KCNT2: variants seen among roughly 807,000 people sequenced by gnomAD.
KCNT2 encodes potassium sodium-activated channel subfamily T member 2.
In KCNT2, 67 loss-of-function variants were observed where a neutral mutation model predicts 153.8. The ratio of observed to expected loss-of-function variants is 0.44; its 90% CI spans 0.36 to 0.53. The LOEUF (loss-of-function observed/expected upper bound fraction) is 0.53, where lower values mean the gene tolerates loss of function less well. Ranked by LOEUF, KCNT2 falls within the 20% of genes least tolerant of loss-of-function variation. KCNT2 has a pLI of 0.00. For synonymous variants in KCNT2, 500 were observed against 458.8 expected, an observed-to-expected ratio of 1.09 and a Z score of -1.15; for missense variants, 975 against 1,354.8, an observed-to-expected ratio of 0.72 and a Z score of 4.40.
intron 25 of KCNT2, among the ~76,000 whole-genome samples, chr1:196,264,669 G>A (rs1379071337): frequency 6.6e-6 from 1 of 151,864 alleles, no homozygotes; most frequent in African/African-American, 2.4e-5. Flanking sequence ...GTCTTGCTCT[G>A]TTGCCTAGGC....
chr1:196,544,324 A>G (rs984178295), intron 1 of KCNT2, among the ~76,000 whole-genome samples: 27 of 152,148 alleles, frequency 1.8e-4, no homozygotes, highest in Admixed American at 3.9e-4. Flanking sequence ...ATAGATGTAT[A>G]GAATATGTTT....
chr1:196,383,696 C>T (rs924990954), intron 13 of KCNT2, among the ~76,000 whole-genome samples: 2 of 152,064 alleles, frequency 1.3e-5, no homozygotes, highest in Non-Finnish European at 2.9e-5. Flanking sequence ...TCAGGAAATT[C>T]GTGTCTTTAA....
At chr1:196,468,439 T>C (rs1230399025) in intron 6 of KCNT2, among the ~76,000 whole-genome samples, 1 of 152,108 alleles carries the variant, frequency 6.6e-6, no homozygotes, top group Non-Finnish European at 1.5e-5. Flanking sequence ...AAATATAGTT[T>C]TGCAAAAGGA....
chr1:196,405,163 C>A (rs1005963108), intron 12 of KCNT2, among the ~76,000 whole-genome samples: 1 of 150,362 alleles, frequency 6.7e-6, no homozygotes, highest in Admixed American at 6.6e-5. Context: ...GATTTCACTT[C>A]ATTTTTTTTT....
chr1:196,449,880 T>C (rs1257291204), intron 8 of KCNT2, among the ~76,000 whole-genome samples: 1 of 151,750 alleles, frequency 6.6e-6, no homozygotes, highest in Non-Finnish European at 1.5e-5. Flanking sequence ...AAAAGATGTA[T>C]GAATTCAGCA....
chr1:196,280,883 A>G lies in KCNT2; in HGVS notation c.2887T>C (p.Ser963Pro). Reference protein sequence around the residue: ...DVPIGIYRTESQKLTTSESQI... With the variant: ...DVPIGIYRTEPQKLTTSESQI... ...ACCTCAGATGTAGTAAGTTTCTGAGACTCAGTCCTGTAGATTCCAATGGGA... is the reference window on the plus strand; with the variant it reads ...ACCTCAGATGTAGTAAGTTTCTGAGGCTCAGTCCTGTAGATTCCAATGGGA... Residue 963 changes from serine to proline, a missense_variant, in exon 25 of 28, where the codon TCT becomes CCT. This residue lies in a region of KCNT2 where 241 missense variants were observed against 271.1 expected (regional missense o/e 0.89). Coordinates refer to ENST00000294725, the MANE Select transcript of KCNT2 (RefSeq NM_198503.5). The G allele has an allele frequency of 6.2e-7, 1 of 1,612,518 alleles. No individual in the cohort carries two copies. Among genetic ancestry groups the G allele is most frequent in the Non-Finnish European group, 8.5e-7 (1 of 1,178,708 alleles).
chr1:196,282,546 G>A (rs1659214968), intron 23 of KCNT2, among the ~76,000 whole-genome samples, 190 bp from the exon 24 acceptor site: 1 of 152,052 alleles, frequency 6.6e-6, no homozygotes, highest in Non-Finnish European at 1.5e-5. Context: ...GTACAGTTAA[G>A]CTGTTCATAA....
chr1:196,307,976 A>G (rs1661796850), intron 21 of KCNT2, among the ~76,000 whole-genome samples: 1 of 152,072 alleles, frequency 6.6e-6, no homozygotes, highest in Non-Finnish European at 1.5e-5. Flanking sequence ...TTCACCATAT[A>G]TGGTTGTCAC....
chr1:196,437,959 A>T (rs952838188), intron 8 of KCNT2, among the ~76,000 whole-genome samples: 2 of 151,534 alleles, frequency 1.3e-5, no homozygotes, highest in African/African-American at 4.8e-5. Flanking sequence ...CTTTACTATT[A>T]CTAATAATAT....
chr1:196,348,381 A>G (rs562287673), intron 14 of KCNT2, among the ~76,000 whole-genome samples: 3 of 152,306 alleles, frequency 2.0e-5, no homozygotes, highest in South Asian at 2.1e-4. Flanking sequence ...CATTTAATAA[A>G]GATTTAAGAT....
chr1:196,410,943 T>C (rs968502056), intron 12 of KCNT2, among the ~76,000 whole-genome samples: 1 of 150,990 alleles, frequency 6.6e-6, no homozygotes, highest in African/African-American at 2.4e-5. Context: ...TCTCCTTCTC[T>C]CCTTTCCTCC....
rs1486546112 is a variant in KCNT2 at position 196,231,724 on chromosome 1, A to G, written c.3297-3389T>C. ...CTTAGAAATGATTTGACTTTAGAAA[A>G]CTAGTAAATCATGGTAGGTAAAGTC... On this transcript the variant is annotated intron_variant, in intron 27 of 27. Transcript: ENST00000294725. Among the ~76,000 whole-genome samples, 5 of 151,820 alleles carry G rather than the reference A, an allele frequency of 3.3e-5. No homozygotes were observed. The East Asian group carries it at 7.7e-4, about 23-fold the overall frequency.
chr1:196,340,515 T>G lies in KCNT2; in HGVS notation c.1609A>C (p.Asn537His). 6.2e-7 allele frequency: 1 copy of G among 1,611,666 alleles called. No individual in the cohort carries two copies. The highest frequency in any genetic ancestry group is 8.5e-7 in the Non-Finnish European group (1 of 1,178,702). ...RREDNKNILL[N>H]PGPRYIMNST... is the part of the protein sequence containing the mutation. ...TTCATAATGTATCGAGGACCTGGAT[T>G]CAGCAAAATGTTTTTATTATCCTCC... The change falls in exon 16 of 28, where the codon AAT becomes CAT. Residue 537 changes from asparagine to histidine, a missense_variant. Physicochemically the swap from Asn to His is moderately conservative, Grantham distance 68. Around this residue, in one of 6 missense-constraint regions of KCNT2, gnomAD observed 325 missense variants for 388.1 expected, o/e 0.84. Coordinates refer to ENST00000294725, the MANE Select transcript of KCNT2 (RefSeq NM_198503.5).
chr1:196,402,896 T>A (rs908475776), intron 12 of KCNT2, among the ~76,000 whole-genome samples: 1 of 151,600 alleles, frequency 6.6e-6, no homozygotes, highest in African/African-American at 2.4e-5. Flanking sequence ...ATAGCTAAAA[T>A]CTAAAGTGCT....
At chr1:196,457,748 T>C (rs1463645501) in intron 8 of KCNT2, among the ~76,000 whole-genome samples, 1 of 151,984 alleles carries the variant, frequency 6.6e-6, no homozygotes, top group Admixed American at 6.6e-5. Context: ...TCAAGGCTTC[T>C]TACCTATCTT....
intron 1 of KCNT2, among the ~76,000 whole-genome samples, chr1:196,536,033 C>A (rs1470063531): frequency 6.6e-6 from 1 of 152,234 alleles, no homozygotes; most frequent in African/African-American, 2.4e-5. Context: ...CACATGCCCA[C>A]AAGGTGGAAC....
At chr1:196,269,595 TC>T (rs1657875938) in intron 25 of KCNT2, among the ~76,000 whole-genome samples, 1 of 152,126 alleles carries the variant, frequency 6.6e-6, no homozygotes, top group Admixed American at 6.6e-5. Flanking sequence ...AAGGAAGAAG[TC>T]TTTTTCTTGG....
At chr1:196,422,688 A>G (rs1182937720) in intron 12 of KCNT2, among the ~76,000 whole-genome samples, 1 of 151,838 alleles carries the variant, frequency 6.6e-6, no homozygotes, top group Non-Finnish European at 1.5e-5. Context: ...AAACTCTCCA[A>G]TTGGTTCTAA....
chr1:196,434,584 G>A (rs1674452979), intron 8 of KCNT2, among the ~76,000 whole-genome samples: 1 of 151,862 alleles, frequency 6.6e-6, no homozygotes, highest in African/African-American at 2.4e-5. Flanking sequence ...ATAACCTGTA[G>A]TTTGATAGAT....
Sources: allele counts gnomAD v4.1 joint callset (sites outside exome capture counted in the v4.1 genomes callset), GRCh38; gene constraint gnomAD v4.1.1; regional missense constraint gnomAD v4.1.1; transcripts MANE v1.5; gene names NCBI Gene and HGNC (gene_info 2026-07-23, HGNC 2026-07-21).